Variants in AHI1 observed in about 807,000 individuals in gnomAD.
AHI1 encodes the protein jouberin.
In AHI1, 123 loss-of-function variants were observed where a neutral mutation model predicts 149.3. The observed-to-expected ratio is 0.82, with a 90% CI of 0.71 to 0.96. The LOEUF (loss-of-function observed/expected upper bound fraction) is 0.96. Ranked by LOEUF, AHI1 falls within the 40% of genes least tolerant of loss-of-function variation. AHI1 has a pLI of 0.00. For synonymous variants in AHI1, 475 were observed against 459.8 expected (o/e 1.03, Z -0.42); for missense variants, 1,439 against 1,422.7 (o/e 1.01, Z -0.18).
chr6:135,496,088 AAC>A (rs1157072763), intron 2 of AHI1, among the ~76,000 whole-genome samples, 190 bp from the exon 3 acceptor site: 2 of 152,204 alleles, frequency 1.3e-5, no homozygotes, highest in South Asian at 4.1e-4. Context: ...ATGTAATGAT[AAC>A]ACAGCAAATA....
At position 135,313,000 on chromosome 6, in the gene AHI1, G is replaced by C. The variant is rs535744579; in HGVS notation, c.3426+5519C>G. On this transcript the variant is annotated intron_variant, in intron 26 of 28. Coordinates refer to ENST00000265602, the MANE Select transcript of AHI1 (RefSeq NM_001134831.2). The stretch of plus-strand genomic sequence containing the variant: ...CTCTGTGGGAGGTTTATAAGGTAAG[G>C]TCTTGATAAAATCAAACCATATATA... Among the ~76,000 whole-genome samples the C allele has an allele frequency of 9.2e-5, 14 of 152,234 alleles. No homozygotes were observed. In the South Asian group the frequency reaches 2.9e-3, roughly 32 times the overall value.
chr6:135,330,035 G>T (rs1274956439), intron 24 of AHI1, among the ~76,000 whole-genome samples: 5 of 152,202 alleles, frequency 3.3e-5, no homozygotes, highest in Non-Finnish European at 7.3e-5. Flanking sequence ...TCTTATGGAT[G>T]AACAAAGAAA....
At chr6:135,331,487 G>T (rs1165361422) in intron 24 of AHI1, among the ~76,000 whole-genome samples, 2 of 152,108 alleles carry the variant, frequency 1.3e-5, no homozygotes, top group East Asian at 1.9e-4. Context: ...CCAGGCTGTT[G>T]TAAGACATTA....
intron 20 of AHI1, among the ~76,000 whole-genome samples, chr6:135,425,296 T>C (rs1173979316): frequency 6.6e-6 from 1 of 151,930 alleles, no homozygotes; most frequent in Non-Finnish European, 1.5e-5. Context: ...AGTGTGGAAA[T>C]AACATTATGT....
intron 10 of AHI1, among the ~76,000 whole-genome samples, chr6:135,454,784 A>C (rs1788655811): frequency 6.6e-6 from 1 of 152,202 alleles, no homozygotes; most frequent in African/African-American, 2.4e-5. Flanking sequence ...TTGAAGACAA[A>C]AAATTCCTTA....
At chr6:135,400,404 C>G (rs560594744) in intron 22 of AHI1, among the ~76,000 whole-genome samples, 6 of 151,754 alleles carry the variant, frequency 4.0e-5, no homozygotes, top group African/African-American at 1.5e-4. Flanking sequence ...AAACATAACT[C>G]AATAAACTTC....
At chr6:135,463,951 C>T (rs1440407432) in intron 7 of AHI1, among the ~76,000 whole-genome samples, 1 of 152,006 alleles carries the variant, frequency 6.6e-6, no homozygotes, top group Non-Finnish European at 1.5e-5. Flanking sequence ...CACTATGTTG[C>T]TCAGGCATGG....
At chr6:135,423,294 C>T (rs1276076200) in intron 20 of AHI1, among the ~76,000 whole-genome samples, 3 of 152,066 alleles carry the variant, frequency 2.0e-5, no homozygotes, top group African/African-American at 7.2e-5. Context: ...GGAAAAAATG[C>T]TATTCTATAG....
intron 26 of AHI1, chr6:135,301,170 T>C: frequency 1.0e-6 from 1 of 983,662 alleles, no homozygotes; most frequent in African/African-American, 1.7e-5. Context: ...GAAATTGAGT[T>C]TGATATGATA....
chr6:135,351,324 T>C (rs1792084110), intron 24 of AHI1, among the ~76,000 whole-genome samples: 1 of 152,168 alleles, frequency 6.6e-6, no homozygotes, highest in Non-Finnish European at 1.5e-5. Context: ...CCTTAATATC[T>C]GGCTATCTCC....
intron 22 of AHI1, among the ~76,000 whole-genome samples, chr6:135,397,091 C>G (rs1282942094): frequency 6.6e-6 from 1 of 151,664 alleles, no homozygotes; most frequent in African/African-American, 2.4e-5. Context: ...TTTTTACAGA[C>G]TATTCAAATG....
At chr6:135,382,959 A>T (rs1231832435) in intron 23 of AHI1, among the ~76,000 whole-genome samples, 1 of 141,518 alleles carries the variant, frequency 7.1e-6, no homozygotes, top group Non-Finnish European at 1.5e-5. Flanking sequence ...ATATATACAT[A>T]TAAAATAATA....
chr6:135,385,173 T>C lies in AHI1; in HGVS notation c.3109+9603A>G, dbSNP rs1777411315. On this transcript the variant is annotated intron_variant, in intron 23 of 28. Transcript: ENST00000265602. ...ATGTTACACCAGCCTCTAGCTACCA[T>C]GATGGATTGTGTACATCTAGAGTTC... Among the ~76,000 whole-genome samples the C allele has an allele frequency of 3.3e-5, 5 of 152,308 alleles. No homozygotes were observed. The South Asian group carries it at 1.0e-3, about 32-fold the overall frequency.
chr6:135,325,697 C>A (rs149500879), intron 24 of AHI1, among the ~76,000 whole-genome samples: 2 of 152,204 alleles, frequency 1.3e-5, no homozygotes, highest in African/African-American at 4.8e-5. Flanking sequence ...TCTTTCTCTT[C>A]CCCTAGTTCC....
intron 23 of AHI1, among the ~76,000 whole-genome samples, chr6:135,391,482 C>T (rs1475837225): frequency 1.3e-5 from 2 of 152,178 alleles, no homozygotes; most frequent in African/African-American, 4.8e-5. Flanking sequence ...AGGCGGAGTT[C>T]ATACAGTAAT....
At chr6:135,387,540 A>G (rs1005365081) in intron 23 of AHI1, among the ~76,000 whole-genome samples, 10 of 152,232 alleles carry the variant, frequency 6.6e-5, no homozygotes, top group East Asian at 1.9e-4. Flanking sequence ...TAAGTGTTCT[A>G]GTGGATTACT....
At chr6:135,468,675 C>T (rs543881250) in intron 5 of AHI1, among the ~76,000 whole-genome samples, 12 of 152,082 alleles carry the variant, frequency 7.9e-5, no homozygotes, top group African/African-American at 1.4e-4. Flanking sequence ...ATATCCCCAT[C>T]GACCCCACAG....
At chr6:135,353,815 TA>T (rs2128428979) in intron 24 of AHI1, among the ~76,000 whole-genome samples, 1 of 152,242 alleles carries the variant, frequency 6.6e-6, no homozygotes, top group South Asian at 2.1e-4. Flanking sequence ...GACTAACGCA[TA>T]TTAAAGTTTA....
At chr6:135,494,666 T>C (rs538822301) in intron 3 of AHI1, among the ~76,000 whole-genome samples, 55 of 152,210 alleles carry the variant, frequency 3.6e-4, no homozygotes, top group Non-Finnish European at 6.0e-4. Context: ...AATCATATTA[T>C]GTTTGTTAGG....
Sources: allele counts gnomAD v4.1 joint callset (sites outside exome capture counted in the v4.1 genomes callset), GRCh38; gene constraint gnomAD v4.1.1; transcripts MANE v1.5; gene names NCBI Gene and HGNC (gene_info 2026-07-23, HGNC 2026-07-21).